ATP11A: variants seen among roughly 807,000 people sequenced by gnomAD.
ATP11A encodes the protein phospholipid-transporting ATPase IH.
Under a neutral mutation model 154.4 loss-of-function variants are expected in ATP11A, and 81 were observed. The observed-to-expected ratio is 0.52, with a 90% CI of 0.44 to 0.63. ATP11A has a LOEUF of 0.63. ATP11A is among the 30% of genes least tolerant of loss of function. The pLI is 0.00. For missense variants in ATP11A, 1,316 were observed against 1,474.3 expected (o/e 0.89, Z 1.76); for synonymous variants, 623 against 585.9 (o/e 1.06, Z -0.91).
intron 1 of ATP11A, among the ~76,000 whole-genome samples, chr13:112,772,963 A>G (rs2077260984): frequency 6.6e-6 from 1 of 152,208 alleles, no homozygotes. Flanking sequence ...CGGATGCTCC[A>G]TGTAGGGAAT....
In ATP11A at chr13:112,832,523, G is replaced by A. The variant is rs895598492; in HGVS notation, c.1396-337G>A. Among the ~76,000 whole-genome samples, 36 of 152,206 alleles carry A rather than the reference G, an allele frequency of 2.4e-4. 2 individuals are homozygous for A. The highest frequency in any genetic ancestry group is 1.5e-5 in the Non-Finnish European group (1 of 68,046). On this transcript the variant is annotated intron_variant, in intron 13 of 29. Coordinates refer to ENST00000375645, the MANE Select transcript of ATP11A (RefSeq NM_015205.3). The stretch of plus-strand genomic sequence containing the variant: ...AGGGTGTTTGTGAATGTCTGTGTTC[G>A]TGGCACCGTGTGACTCAGTCTCCCT...
intron 2 of ATP11A, among the ~76,000 whole-genome samples, chr13:112,801,030 C>T (rs947647220): frequency 2.2e-4 from 33 of 152,216 alleles, no homozygotes; most frequent in Admixed American, 1.5e-3. Context: ...CTACAGCTGA[C>T]GTCATACTTA....
intron 9 of ATP11A, among the ~76,000 whole-genome samples, 186 bp from the exon 10 acceptor site, chr13:112,824,158 A>G (rs1048054201): frequency 1.3e-4 from 19 of 151,744 alleles, no homozygotes; most frequent in African/African-American, 4.1e-4. Flanking sequence ...CTTCCTATGC[A>G]TGAAGAAGGG....
intron 1 of ATP11A, among the ~76,000 whole-genome samples, chr13:112,776,104 C>T (rs1489572685): frequency 6.6e-6 from 1 of 152,210 alleles, no homozygotes; most frequent in East Asian, 1.9e-4. Context: ...GCTGCTGCTG[C>T]TTGTTCCAGT....
At chr13:112,770,507 G>A (rs1201436946) in intron 1 of ATP11A, among the ~76,000 whole-genome samples, 2 of 152,220 alleles carry the variant, frequency 1.3e-5, no homozygotes, top group Non-Finnish European at 2.9e-5. Flanking sequence ...AGATGCCAGT[G>A]GCTCGGACCA....
Position 112,884,479 on chromosome 13 carries a change from G to A in ATP11A, c.*2613G>A, listed in dbSNP as rs1422562324. ...GCTTGGGAAATTATTAAATGAATGT[G>A]CCTGATGATTTGAAATAGACAAGGG... is the stretch of plus-strand genomic sequence containing the variant. On this transcript the variant is annotated 3_prime_UTR_variant, in exon 30 of 30. Coordinates refer to ENST00000375645, the MANE Select transcript of ATP11A (RefSeq NM_015205.3). 6.6e-6 allele frequency: 1 copy of A among 152,242 alleles called. No individual in the cohort carries two copies. The highest frequency in any genetic ancestry group is 6.6e-5 in the Admixed American group (1 of 15,264). The allele number at this position is 152,242 out of a possible 1,614,324, so 9.4% of individuals were successfully genotyped here.
chr13:112,698,391 T>C (rs1886125532), intron 1 of ATP11A, among the ~76,000 whole-genome samples: 2 of 152,228 alleles, frequency 1.3e-5, no homozygotes, highest in Admixed American at 1.3e-4. Flanking sequence ...TGAGTTGTTT[T>C]TGCGAGTTAC....
rs1278186722 is a variant in ATP11A at position 112,785,200 on chromosome 13, G to A, written c.105G>A (p.Pro35=). ...ACGTGGGACACAGGGAGCCACCTCC[G>A]GGCGCAGAGGCCTACATCCCACAGA... is the stretch of plus-strand genomic sequence containing the variant. ...TIYVGHREPP[P]GAEAYIPQRY... The change falls in exon 2 of 30, where the codon CCG becomes CCA. Residue 35 remains proline, a synonymous_variant. Coordinates refer to ENST00000375645, the MANE Select transcript of ATP11A (RefSeq NM_015205.3). The surrounding 1 kb of genome is among the most constrained non-coding windows in gnomAD (Gnocchi z 4.8). 1.1e-5 allele frequency: 17 copies of A among 1,578,372 alleles called. No individual in the cohort carries two copies. Among genetic ancestry groups the A allele is most frequent in the Admixed American group, 3.7e-5 (2 of 54,494 alleles).
intron 1 of ATP11A, among the ~76,000 whole-genome samples, chr13:112,749,872 C>T (rs9550207): frequency 1.5e-5 from 2 of 131,754 alleles, no homozygotes; most frequent in Non-Finnish European, 3.2e-5. Context: ...TGTGGGGACA[C>T]GCCTGCTGAA....
rs1481762635 is a variant in ATP11A at position 112,807,749 on chromosome 13, G to T, written c.333+1456G>T. On this transcript the variant is annotated intron_variant, in intron 4 of 29. Coordinates refer to ENST00000375645, the MANE Select transcript of ATP11A (RefSeq NM_015205.3). The surrounding 1 kb of genome is among the most constrained non-coding windows in gnomAD (Gnocchi z 4.5). Reference sequence around the variant, plus strand: ...AACCCATCGTGGAGATTAGGTGAGGGCGTCCCGTGCTATCTGTGATACATC... The same window carrying T: ...AACCCATCGTGGAGATTAGGTGAGGTCGTCCCGTGCTATCTGTGATACATC... Among the ~76,000 whole-genome samples, 2 of 152,064 alleles carry T rather than the reference G, an allele frequency of 1.3e-5. No individual in the cohort carries two copies. Among genetic ancestry groups the T allele is most frequent in the Non-Finnish European group, 2.9e-5 (2 of 68,002 alleles).
chr13:112,870,556 C>T (rs1211448388), intron 25 of ATP11A, among the ~76,000 whole-genome samples: 2 of 151,816 alleles, frequency 1.3e-5, no homozygotes, highest in Non-Finnish European at 2.9e-5. Flanking sequence ...TGTTTGTATT[C>T]TTAGTAGAGA....
At chr13:112,769,308 G>A (rs1031638980) in intron 1 of ATP11A, among the ~76,000 whole-genome samples, 2 of 152,194 alleles carry the variant, frequency 1.3e-5, no homozygotes, top group Non-Finnish European at 2.9e-5. Flanking sequence ...CCTCTCTGAG[G>A]CTCAGAGGCA....
Position 112,856,182 on chromosome 13 carries a change from A to G in ATP11A, c.2418+97A>G, listed in dbSNP as rs909472076. 5.8e-6 allele frequency: 7 copies of G among 1,210,698 alleles called. No individual in the cohort carries two copies. The African/African-American group carries it at 9.1e-5, about 16-fold the overall frequency. 75.0% of individuals were successfully genotyped at this position (1,210,698 alleles called of 1,614,324 possible). The stretch of plus-strand genomic sequence containing the variant: ...ACCGCCTCAGATTGTTAAACAATCT[A>G]GCAGGGTACCACCTGTTAAAAATAG... On this transcript the variant is annotated intron_variant, in intron 20 of 29. Transcript: ENST00000375645.
Position 112,882,179 on chromosome 13 carries a change from A to T in ATP11A, c.*313A>T. ...CATGGCACCCTGGCCGCCTGGACCC[A>T]GCACTGTGGTTGTTGAGCCACACCA... is the stretch of plus-strand genomic sequence containing the variant. On this transcript the variant is annotated 3_prime_UTR_variant, in exon 30 of 30. Coordinates refer to ENST00000375645, the MANE Select transcript of ATP11A (RefSeq NM_015205.3). The surrounding 1 kb of genome is among the most constrained non-coding windows in gnomAD (Gnocchi z 5.1). The T allele has an allele frequency of 1.6e-6, 2 of 1,253,638 alleles. No individual in the cohort carries two copies. Among genetic ancestry groups the T allele is most frequent in the Non-Finnish European group, 2.1e-6 (2 of 956,918 alleles). 77.7% of individuals were successfully genotyped at this position (1,253,638 alleles called of 1,614,324 possible).
At chr13:112,843,267 C>T (rs1304180355) in intron 17 of ATP11A, among the ~76,000 whole-genome samples, 1 of 152,008 alleles carries the variant, frequency 6.6e-6, no homozygotes, top group African/African-American at 2.4e-5. Flanking sequence ...CGTCCTAAAG[C>T]TGGGTGACGC....
chr13:112,725,428 C>T (rs1203738816), intron 1 of ATP11A, among the ~76,000 whole-genome samples: 1 of 152,202 alleles, frequency 6.6e-6, no homozygotes, highest in African/African-American at 2.4e-5. Context: ...CCCCCATCGC[C>T]TGGCCCCTGC....
intron 28 of ATP11A, among the ~76,000 whole-genome samples, chr13:112,877,181 G>A (rs934138146): frequency 2.0e-5 from 3 of 152,126 alleles, no homozygotes; most frequent in African/African-American, 7.2e-5. Context: ...TTATAAGAAG[G>A]TCCCACTGAG....
At chr13:112,863,157 C>T (rs1462731597) in intron 25 of ATP11A, among the ~76,000 whole-genome samples, 255 of 145,456 alleles carry the variant, frequency 1.8e-3, no homozygotes, top group African/African-American at 6.2e-3. Context: ...TCAGTGCAGC[C>T]CATGCAGCTT....
intron 17 of ATP11A, among the ~76,000 whole-genome samples, chr13:112,849,669 A>C (rs1296809455): frequency 6.6e-6 from 1 of 152,252 alleles, no homozygotes; most frequent in Non-Finnish European, 1.5e-5. Context: ...CAAAAGATCT[A>C]ATTTCAACCA....
Sources: gnomAD v4.1 joint callset for allele counts (sites outside exome capture counted in the v4.1 genomes callset) on GRCh38, gnomAD v4.1.1 for gene constraint, Gnocchi (gnomAD v3.1) non-coding constraint, MANE v1.5 for transcripts, NCBI Gene and HGNC (gene_info 2026-07-23, HGNC 2026-07-21) for gene names.